The following ABI1 variants were observed in gnomAD, a reference collection of about 807,000 sequenced individuals.
ABI1 encodes Abelson interactor 1.
A neutral mutation model predicts 54.6 loss-of-function variants in ABI1; 14 were observed. That is an observed-to-expected ratio of 0.26 (90% CI 0.17 to 0.40). The LOEUF is 0.40. Among genes scored for constraint, ABI1 ranks in the 10% least tolerant of loss-of-function variants. The pLI is 1.00. For missense variants in ABI1, 443 were observed against 598.3 expected (o/e 0.74, Z 2.71); for synonymous variants, 194 against 209.3 (o/e 0.93, Z 0.63).
At chr10:26,836,974 C>T (rs951933685) in intron 1 of ABI1, among the ~76,000 whole-genome samples, 1 of 152,158 alleles carries the variant, frequency 6.6e-6, no homozygotes, top group African/African-American at 2.4e-5. Context: ...GACAAAAGAT[C>T]TACTAAAGTA....
intron 2 of ABI1, among the ~76,000 whole-genome samples, chr10:26,795,958 C>T (rs1844102391): frequency 6.6e-6 from 1 of 152,100 alleles, no homozygotes; most frequent in African/African-American, 2.4e-5. Context: ...AAACTCCAGC[C>T]TGGTGACAGA....
At chr10:26,857,726 G>A (rs2050945264) in intron 1 of ABI1, among the ~76,000 whole-genome samples, 1 of 149,834 alleles carries the variant, frequency 6.7e-6, no homozygotes, top group African/African-American at 2.5e-5. Flanking sequence ...GCATATACCT[G>A]TGGTCTCAGC....
chr10:26,819,291 T>G (rs565942751), intron 2 of ABI1, among the ~76,000 whole-genome samples: 3 of 152,262 alleles, frequency 2.0e-5, no homozygotes, highest in Non-Finnish European at 2.9e-5. Context: ...ATGGTTGTAT[T>G]CATATCAGAC....
At chr10:26,748,871 GTATC>G (rs1837251308) in intron 10 of ABI1, 126 bp from the exon 11 acceptor site, 1 of 504,018 alleles carries the variant, frequency 2.0e-6, no homozygotes, top group Non-Finnish European at 3.2e-6. Context: ...CTTAATTTTT[GTATC>G]TATCAATATA....
At chr10:26,842,039 A>T (rs1436841643) in intron 1 of ABI1, among the ~76,000 whole-genome samples, 1 of 151,780 alleles carries the variant, frequency 6.6e-6, no homozygotes, top group Non-Finnish European at 1.5e-5. Flanking sequence ...ACCAATCCAC[A>T]CTCCCACCAA....
Position 26,759,167 on chromosome 10 carries a change from T to G in ABI1, c.892A>C (p.Thr298Pro). 1 of 1,613,918 alleles carries G rather than the reference T, an allele frequency of 6.2e-7. No homozygotes were observed. The highest frequency in any genetic ancestry group is 8.5e-7 in the Non-Finnish European group (1 of 1,179,946). Residue 298 changes from threonine to proline, a missense_variant, in exon 8 of 11, where the codon ACT becomes CCT. This residue lies in a region of ABI1 where 394 missense variants were observed against 484.8 expected (regional missense o/e 0.81). Transcript: ENST00000376140. The stretch of plus-strand genomic sequence containing the variant: ...TATCCACCAGAAGATGTCGAAGAAG[T>G]AGTAGAGTTGTGTCGAGATATCTGC... The part of the protein sequence containing the change: ...TRQISRHNST[T>P]SSTSSGGYRR...
chr10:26,850,843 A>G (rs1283757211), intron 1 of ABI1, among the ~76,000 whole-genome samples: 1 of 152,162 alleles, frequency 6.6e-6, no homozygotes, highest in Non-Finnish European at 1.5e-5. Flanking sequence ...AAACCTCAAC[A>G]GAAGAAAGAT....
intron 2 of ABI1, among the ~76,000 whole-genome samples, chr10:26,799,919 C>T (rs1164646532): frequency 6.6e-6 from 1 of 150,748 alleles, no homozygotes; most frequent in African/African-American, 2.4e-5. Flanking sequence ...CAGGCTTCCT[C>T]TAGATTTCCA....
At chr10:26,768,807 T>C (rs756152017) in intron 6 of ABI1, 45 bp downstream of exon 6, 11 of 1,573,148 alleles carry the variant, frequency 7.0e-6, no homozygotes, top group Non-Finnish European at 8.6e-6. Flanking sequence ...GCCAGTCAGT[T>C]ACACCCACTT....
chr10:26,749,617 C>T (rs952555371), intron 10 of ABI1, among the ~76,000 whole-genome samples: 6 of 152,200 alleles, frequency 3.9e-5, no homozygotes, highest in Non-Finnish European at 7.3e-5. Flanking sequence ...CATGTTGGAA[C>T]TCATTTTGGA....
intron 1 of ABI1, among the ~76,000 whole-genome samples, chr10:26,833,542 G>C (rs1382698980): frequency 2.0e-5 from 3 of 152,076 alleles, no homozygotes; most frequent in Admixed American, 1.3e-4. Flanking sequence ...CACATAATCT[G>C]TTATATACTT....
At chr10:26,839,627 T>G in intron 1 of ABI1, 1 of 619,092 alleles carries the variant, frequency 1.6e-6, no homozygotes, top group Non-Finnish European at 2.9e-6. Flanking sequence ...CTTAACTGAC[T>G]TGAGAAAAAG....
At chr10:26,814,931 A>T (rs2047464279) in intron 2 of ABI1, among the ~76,000 whole-genome samples, 1 of 151,998 alleles carries the variant, frequency 6.6e-6, no homozygotes, top group Non-Finnish European at 1.5e-5. Context: ...GAAACTGAAA[A>T]CTCAAACAAG....
chr10:26,836,196 T>G (rs1194667668), intron 1 of ABI1, among the ~76,000 whole-genome samples: 2 of 152,038 alleles, frequency 1.3e-5, no homozygotes, highest in South Asian at 2.1e-4. Context: ...CAATGCAACC[T>G]CCACCTCCCA....
In ABI1 at chr10:26,747,050, A is replaced by AAAT. The variant is rs1462740456; in HGVS notation, c.*1517_*1519dup. On this transcript the variant is annotated 3_prime_UTR_variant, in exon 11 of 11. Coordinates refer to ENST00000376140, the MANE Select transcript of ABI1 (RefSeq NM_001012750.3). Reference sequence around the variant, plus strand: ...TGTTTGTTTAAAATTAACAAAGGCAAAATGCATATGAAATAGTCACATTGA... The same window carrying AAAT: ...TGTTTGTTTAAAATTAACAAAGGCAAAATAATGCATATGAAATAGTCACATTGA... 4.3e-6 allele frequency: 1 copy of AAAT among 230,840 alleles called. No homozygotes were observed. Among genetic ancestry groups the AAAT allele is most frequent in the Admixed American group, 5.2e-5 (1 of 19,224 alleles). The allele number at this position is 230,840 out of a possible 1,614,324, so 14.3% of individuals were successfully genotyped here.
intron 2 of ABI1, among the ~76,000 whole-genome samples, chr10:26,799,618 G>C (rs1359841018): frequency 6.6e-6 from 1 of 152,166 alleles, no homozygotes; most frequent in African/African-American, 2.4e-5. Context: ...AATCATTTCA[G>C]AGCTAAAACT....
In ABI1 at chr10:26,830,635, A is replaced by C. The variant is rs184338532; in HGVS notation, c.118-7330T>G. 3.9e-3 allele frequency among the ~76,000 whole-genome samples: 587 copies of C among 151,826 alleles called. 11 individuals are homozygous for C. The highest frequency in any genetic ancestry group is 0.035 in the Admixed American group (529 of 15,240). ...GACCCTGTCTCCTTTAAAAAAAAAA[A>C]AAAAAACAAAACTACCAAACTATTT... On this transcript the variant is annotated intron_variant, in intron 1 of 10. Coordinates refer to ENST00000376140, the MANE Select transcript of ABI1 (RefSeq NM_001012750.3).
At chr10:26,828,908 T>A (rs939327032) in intron 1 of ABI1, among the ~76,000 whole-genome samples, 1 of 152,168 alleles carries the variant, frequency 6.6e-6, no homozygotes, top group Non-Finnish European at 1.5e-5. Context: ...TAAGAAAGAA[T>A]CCTTTAGTTC....
At chr10:26,835,880 G>A (rs1175484929) in intron 1 of ABI1, among the ~76,000 whole-genome samples, 2 of 150,982 alleles carry the variant, frequency 1.3e-5, no homozygotes, top group African/African-American at 4.9e-5. Context: ...CTCCCAAGTA[G>A]CTGGCACTAC....
Sources: gnomAD v4.1 joint callset for allele counts (sites outside exome capture counted in the v4.1 genomes callset) on GRCh38, gnomAD v4.1.1 for gene constraint, gnomAD v4.1.1 regional missense constraint, MANE v1.5 for transcripts, NCBI Gene and HGNC (gene_info 2026-07-23, HGNC 2026-07-21) for gene names.